The following GALNT11 variants were observed in gnomAD, a reference collection of about 807,000 sequenced individuals.
GALNT11 encodes UDP-GalNAc:polypeptide N-acetylgalactosaminyltransferase 11.
Under a neutral mutation model 72.7 loss-of-function variants are expected in GALNT11, and 47 were observed. The observed-to-expected ratio is 0.65, with a 90% CI of 0.51 to 0.82. GALNT11 has a LOEUF of 0.82. Among genes scored for constraint, GALNT11 ranks in the 40% least tolerant of loss-of-function variants. The pLI is 0.00. For synonymous variants in GALNT11, 270 were observed against 286.6 expected, an observed-to-expected ratio of 0.94 and a Z score of 0.58; for missense variants, 677 against 778.4, an observed-to-expected ratio of 0.87 and a Z score of 1.55.
intron 1 of GALNT11, among the ~76,000 whole-genome samples, chr7:152,033,462 C>T (rs1379833770): frequency 1.3e-5 from 2 of 152,158 alleles, no homozygotes; most frequent in African/African-American, 4.8e-5. Context: ...ATAATGCCTC[C>T]AGATTTTGTT....
intron 10 of GALNT11, chr7:152,119,232 A>G (rs1416883815): frequency 6.6e-6 from 1 of 152,482 alleles, no homozygotes; most frequent in Non-Finnish European, 1.5e-5. Context: ...ACAGAATTTC[A>G]GTTGATTCCA....
rs570120467 is a variant in GALNT11, at chr7:152,107,883, G to A, written c.713-155G>A. 7.7e-5 allele frequency: 59 copies of A among 767,184 alleles called. 1 individual carries two copies. In the South Asian group the frequency reaches 8.1e-4, roughly 11 times the overall value. The allele number at this position is 767,184 out of a possible 1,614,324, so 47.5% of individuals were successfully genotyped here. On this transcript the variant is annotated intron_variant, in intron 5 of 11. Transcript: ENST00000430044. ...CTGAGGGACGTCCTTGTTGACCACC[G>A]GCAGTGAAGTGTAGTGGAGCAGTTA...
chr7:152,070,913 G>C (rs2084599202), intron 1 of GALNT11, among the ~76,000 whole-genome samples: 1 of 152,102 alleles, frequency 6.6e-6, no homozygotes, highest in Non-Finnish European at 1.5e-5. Flanking sequence ...ATGCCGGTAG[G>C]TTCCGTGATG....
chr7:152,081,214 A>G (rs554321247), intron 1 of GALNT11, among the ~76,000 whole-genome samples: 2 of 152,362 alleles, frequency 1.3e-5, no homozygotes, highest in East Asian at 1.9e-4. Context: ...GTGACATTGC[A>G]TAACAGGCAT....
intron 2 of GALNT11, among the ~76,000 whole-genome samples, chr7:152,098,966 CAG>C (rs2086571031): frequency 6.6e-6 from 1 of 151,974 alleles, no homozygotes; most frequent in Non-Finnish European, 1.5e-5. Context: ...TTTTTTGAGA[CAG>C]AGTTTTGCTT....
rs7811440 is a variant in GALNT11, at chr7:152,030,700, G to A, written c.-39+4816G>A. On this transcript the variant is annotated intron_variant, in intron 1 of 11. Transcript: ENST00000430044. ...TGTCTGTCTCTTCCTCTCTCTCTTTGCCTTTCTATGTCTCTCTCTCTGACT... is the reference window on the plus strand; with the variant it reads ...TGTCTGTCTCTTCCTCTCTCTCTTTACCTTTCTATGTCTCTCTCTCTGACT... Among the ~76,000 whole-genome samples the A allele has an allele frequency of 7.4e-3, 1,124 of 151,574 alleles. 16 individuals carry two copies. The highest frequency in any genetic ancestry group is 0.026 in the African/African-American group (1,084 of 41,314).
intron 8 of GALNT11, among the ~76,000 whole-genome samples, chr7:152,114,638 G>A (rs1406663093): frequency 6.6e-6 from 1 of 151,182 alleles, no homozygotes; most frequent in Non-Finnish European, 1.5e-5. Flanking sequence ...TCGGCTCACT[G>A]CAACCTCCAC....
chr7:152,079,629 A>T (rs2085200112), intron 1 of GALNT11, among the ~76,000 whole-genome samples: 1 of 152,218 alleles, frequency 6.6e-6, no homozygotes, highest in African/African-American at 2.4e-5. Flanking sequence ...GATGTCTGGA[A>T]TTTGCTCTGA....
chr7:152,055,217 G>T (rs2083601609), intron 1 of GALNT11, among the ~76,000 whole-genome samples: 1 of 152,058 alleles, frequency 6.6e-6, no homozygotes, highest in African/African-American at 2.4e-5. Flanking sequence ...ACACTCTGAG[G>T]TACTGGGGGT....
At position 152,122,151 on chromosome 7, in the gene GALNT11, A is replaced by G. The variant is rs1487788511; in HGVS notation, c.*474A>G. The G allele has an allele frequency of 1.3e-5, 2 of 150,412 alleles. No homozygotes were observed. Among genetic ancestry groups the G allele is most frequent in the African/African-American group, 4.9e-5 (2 of 40,418 alleles). The allele number at this position is 150,412 out of a possible 1,614,324, so 9.3% of individuals were successfully genotyped here. On this transcript the variant is annotated 3_prime_UTR_variant, in exon 12 of 12. Transcript: ENST00000430044. ...TTTCCTTTCTTAGACTTCATAGGAGATAGTGCTTTAAAAAAAAAAAAAACT... is the reference window on the plus strand; with the variant it reads ...TTTCCTTTCTTAGACTTCATAGGAGGTAGTGCTTTAAAAAAAAAAAAAACT...
chr7:152,120,757 T>C (rs941142321), intron 10 of GALNT11, 74 bp from the exon 11 acceptor site: 2 of 1,273,336 alleles, frequency 1.6e-6, no homozygotes, highest in African/African-American at 3.0e-5. Context: ...AGAATCAATA[T>C]GTGGAAGAAT....
In GALNT11 at chr7:152,108,178, A is replaced by G; in HGVS notation, c.853A>G (p.Ser285Gly). The G allele has an allele frequency of 6.2e-7, 1 of 1,614,164 alleles. No homozygotes were observed. ...CATCAGCGCCGACACGCTGGCCTACAGCTCGTCCCCTGTCGTCCGCGGAGG... is the reference window on the plus strand; with the variant it reads ...CATCAGCGCCGACACGCTGGCCTACGGCTCGTCCCCTGTCGTCCGCGGAGG... ...DIISADTLAY[S>G]SSPVVRGGFN... Residue 285 changes from serine (S) to glycine (G), a missense_variant, in exon 6 of 12, where the codon AGC (serine) becomes GGC (glycine). By Grantham distance (56) the Ser-to-Gly change is moderately conservative. Transcript: ENST00000430044.
chr7:152,041,143 A>G (rs1291075212), intron 1 of GALNT11, among the ~76,000 whole-genome samples: 1 of 152,172 alleles, frequency 6.6e-6, no homozygotes, highest in Non-Finnish European at 1.5e-5. Context: ...ATAAGGTTTC[A>G]GGTATCTTGA....
chr7:152,042,483 G>A lies in GALNT11; in HGVS notation c.-39+16599G>A, dbSNP rs545423771. 9.8e-4 allele frequency among the ~76,000 whole-genome samples: 149 copies of A among 152,200 alleles called. 2 individuals carry two copies. The highest frequency in any genetic ancestry group is 7.1e-3 in the South Asian group (34 of 4,820). ...AGCCTCCAGTTTCTCTTTACTCAGC[G>A]GCCATTGTTCTGTCCAAATTGGCTT... On this transcript the variant is annotated intron_variant, in intron 1 of 11. Transcript: ENST00000430044.
intron 1 of GALNT11, among the ~76,000 whole-genome samples, chr7:152,036,137 A>G (rs560011067): frequency 6.6e-5 from 10 of 152,332 alleles, no homozygotes; most frequent in South Asian, 2.1e-4. Flanking sequence ...AAAATGTGCA[A>G]TAAAGTTTTG....
intron 2 of GALNT11, among the ~76,000 whole-genome samples, chr7:152,096,225 C>G (rs970218295): frequency 6.6e-6 from 1 of 152,100 alleles, no homozygotes; most frequent in Admixed American, 6.5e-5. Flanking sequence ...TCAGTGCAAT[C>G]CCTATCAAAA....
intron 6 of GALNT11, 41 bp from the exon 7 acceptor site, chr7:152,110,487 C>T (rs907655446): frequency 1.3e-5 from 19 of 1,420,516 alleles, no homozygotes; most frequent in Non-Finnish European, 1.8e-5. Flanking sequence ...GGTAAGATAA[C>T]TGACTATAAG....
intron 1 of GALNT11, among the ~76,000 whole-genome samples, chr7:152,029,660 C>T (rs772825701): frequency 3.3e-5 from 5 of 152,216 alleles, no homozygotes; most frequent in African/African-American, 9.6e-5. Flanking sequence ...GCAAACAGCT[C>T]GCACATTTGA....
At chr7:152,109,212 A>G (rs1271862828) in intron 6 of GALNT11, among the ~76,000 whole-genome samples, 3 of 152,232 alleles carry the variant, frequency 2.0e-5, no homozygotes, top group Non-Finnish European at 4.4e-5. Context: ...CCTAGTGATC[A>G]GTCCTCTGTT....
Sources: allele counts gnomAD v4.1 joint callset (sites outside exome capture counted in the v4.1 genomes callset), GRCh38; gene constraint gnomAD v4.1.1; transcripts MANE v1.5; gene names NCBI Gene and HGNC (gene_info 2026-07-23, HGNC 2026-07-21).